Variants in KLF7 observed in about 807,000 individuals in gnomAD.
KLF7 encodes KLF transcription factor 7.
Under a neutral mutation model 27.3 loss-of-function variants are expected in KLF7, and 2 were observed. The ratio of observed to expected loss-of-function variants is 0.07; its 90% confidence interval spans 0.03 to 0.23. KLF7 has a LOEUF of 0.23. Among genes scored for constraint, KLF7 ranks in the 10% least tolerant of loss-of-function variants. The pLI, the probability that KLF7 is intolerant of heterozygous loss-of-function variation, is 1.00. For missense variants in KLF7, 221 were observed against 394.1 expected, an observed-to-expected ratio of 0.56 and a Z score of 3.72; for synonymous variants, 165 against 162.4, an observed-to-expected ratio of 1.02 and a Z score of -0.12.
intron 1 of KLF7, among the ~76,000 whole-genome samples, chr2:207,142,047 A>G (rs925752287): frequency 6.6e-6 from 1 of 152,072 alleles, no homozygotes; most frequent in Non-Finnish European, 1.5e-5. Flanking sequence ...TAGAGAAGGC[A>G]CCATGAAATG....
rs190674181 is a variant in KLF7, at chr2:207,118,662, A to C, written c.733+5112T>G. On this transcript the variant is annotated intron_variant, in intron 2 of 3. Coordinates refer to ENST00000309446, the MANE Select transcript of KLF7 (RefSeq NM_003709.4). The stretch of plus-strand genomic sequence containing the variant: ...AAATTACTTGACTTCTCTGGGTCTC[A>C]TTTTCCTCATCTATAAAATAAGATG... 2.6e-3 allele frequency among the ~76,000 whole-genome samples: 403 copies of C among 152,280 alleles called. 1 individual carries two copies. Among genetic ancestry groups the C allele is most frequent in the Non-Finnish European group, 4.3e-3 (290 of 68,022 alleles).
At chr2:207,098,059 C>T (rs1174439715) in intron 2 of KLF7, among the ~76,000 whole-genome samples, 2 of 152,266 alleles carry the variant, frequency 1.3e-5, no homozygotes, top group East Asian at 3.9e-4. Context: ...GCTGTATGTT[C>T]TCAAGTTTTG....
At chr2:207,093,716 A>C (rs2076563438) in intron 2 of KLF7, among the ~76,000 whole-genome samples, 2 of 152,242 alleles carry the variant, frequency 1.3e-5, no homozygotes, top group African/African-American at 4.8e-5. Context: ...CCCGTCCGAT[A>C]CATTAGGTGA....
rs535871147 is a variant in KLF7, at chr2:207,140,265, C to T, written c.103-15861G>A. On this transcript the variant is annotated intron_variant, in intron 1 of 3. Transcript: ENST00000309446. ...CTTATTTTGGTTATTTGATTAATAC[C>T]AAATACATAGAAACTCAAATTTATA... Among the ~76,000 whole-genome samples the T allele has an allele frequency of 1.4e-4, 22 of 152,158 alleles. 1 individual carries two copies. The South Asian group carries it at 4.4e-3, about 30-fold the overall frequency.
intron 1 of KLF7, among the ~76,000 whole-genome samples, chr2:207,151,893 G>A (rs2078257932): frequency 6.6e-6 from 1 of 151,996 alleles, no homozygotes; most frequent in South Asian, 2.1e-4. Flanking sequence ...GGAAAAGAAT[G>A]ACCCTAAAAA....
chr2:207,079,347 T>G lies in KLF7; in HGVS notation c.*1866A>C, dbSNP rs745622145. The G allele has an allele frequency of 6.6e-6, 1 of 152,338 alleles. No individual in the cohort carries two copies. The highest frequency in any genetic ancestry group is 2.1e-4 in the South Asian group (1 of 4,828). The allele number at this position is 152,338 out of a possible 1,614,324, so 9.4% of individuals were successfully genotyped here. A position where few individuals can be genotyped will look rare whatever the true frequency, so the allele number is the denominator to read the frequency against. ...TGACTTCAGTTTTGCATCCCAAATATGTATGGGGTGGCATTTTAACAGTCA... is the reference window on the plus strand; with the variant it reads ...TGACTTCAGTTTTGCATCCCAAATAGGTATGGGGTGGCATTTTAACAGTCA... On this transcript the variant is annotated 3_prime_UTR_variant, in exon 4 of 4. Transcript: ENST00000309446.
intron 1 of KLF7, among the ~76,000 whole-genome samples, chr2:207,142,620 G>A (rs1246811529): frequency 6.6e-6 from 1 of 152,240 alleles, no homozygotes; most frequent in African/African-American, 2.4e-5. Context: ...TGAAGGCCTT[G>A]TGAAGAAGTC....
At chr2:207,096,375 G>T (rs536843114) in intron 2 of KLF7, among the ~76,000 whole-genome samples, 32 of 152,312 alleles carry the variant, frequency 2.1e-4, no homozygotes, top group African/African-American at 7.7e-4. Flanking sequence ...ATCGCATCAG[G>T]ATCACCTGAG....
intron 3 of KLF7, among the ~76,000 whole-genome samples, chr2:207,083,878 G>A (rs995499107): frequency 1.7e-4 from 26 of 152,112 alleles, no homozygotes; most frequent in Admixed American, 1.7e-3. Context: ...AGCATCATGA[G>A]CCAAGGAATG....
At chr2:207,104,367 C>T (rs1297394613) in intron 2 of KLF7, among the ~76,000 whole-genome samples, 3 of 152,096 alleles carry the variant, frequency 2.0e-5, no homozygotes, top group Admixed American at 6.5e-5. Context: ...AAATGTTATA[C>T]GTAAACAAAC....
intron 2 of KLF7, among the ~76,000 whole-genome samples, chr2:207,107,749 C>T (rs1330111592): frequency 2.0e-5 from 3 of 152,138 alleles, no homozygotes; most frequent in Admixed American, 2.0e-4. Context: ...GGGCAAGGAA[C>T]CATACCAGCT....
Position 207,102,850 on chromosome 2 carries a change from G to C in KLF7, c.734-14269C>G, listed in dbSNP as rs35785175. Among the ~76,000 whole-genome samples the C allele has an allele frequency of 9.4e-3, 1,425 of 152,180 alleles. 7 individuals carry two copies. The highest frequency in any genetic ancestry group is 0.027 in the Middle Eastern group (8 of 292). On this transcript the variant is annotated intron_variant, in intron 2 of 3. Coordinates refer to ENST00000309446, the MANE Select transcript of KLF7 (RefSeq NM_003709.4). The stretch of plus-strand genomic sequence containing the variant: ...AAAGACTGTATTTCCAATCTCCTTT[G>C]CAATTGCTTGTTGACATATGACCAA...
At chr2:207,098,333 A>C (rs546133155) in intron 2 of KLF7, among the ~76,000 whole-genome samples, 38 of 152,208 alleles carry the variant, frequency 2.5e-4, no homozygotes, top group Non-Finnish European at 5.0e-4. Context: ...TTGAAGAAAA[A>C]TGTTATTAAA....
intron 1 of KLF7, among the ~76,000 whole-genome samples, chr2:207,145,685 A>G (rs1287003363): frequency 6.6e-6 from 1 of 152,180 alleles, no homozygotes; most frequent in East Asian, 1.9e-4. Context: ...CTGGCACCCT[A>G]ATCTTTCCCT....
At chr2:207,171,460 A>T (rs2078785389), upstream of KLF7, among the ~76,000 whole-genome samples, 1 of 152,218 alleles carries the variant, frequency 6.6e-6, no homozygotes, top group Admixed American at 6.5e-5. Flanking sequence ...AAGAAGCTGT[A>T]CTTTTGGTAA....
At chr2:207,141,229 T>G (rs930616570) in intron 1 of KLF7, among the ~76,000 whole-genome samples, 1 of 152,184 alleles carries the variant, frequency 6.6e-6, no homozygotes. Flanking sequence ...TCCCTCTGCT[T>G]ATAGCAGTGC....
chr2:207,100,897 ACTGGG>A (rs1209179467), intron 2 of KLF7, among the ~76,000 whole-genome samples: 10 of 152,246 alleles, frequency 6.6e-5, no homozygotes, highest in African/African-American at 2.2e-4. Flanking sequence ...ATGTCCAGGC[ACTGGG>A]CTAGATGCTT....
chr2:207,166,778 A>G, upstream of KLF7: 1 of 991,044 alleles, frequency 1.0e-6, no homozygotes, highest in East Asian at 1.1e-4. Context: ...CAGAAAAGGC[A>G]TCCAGGGCCC....
intron 1 of KLF7, among the ~76,000 whole-genome samples, chr2:207,125,900 A>G (rs1473881205): frequency 6.6e-6 from 1 of 152,260 alleles, no homozygotes; most frequent in African/African-American, 2.4e-5. Flanking sequence ...AAAATTACAT[A>G]AACTCACATA....
Sources: allele counts gnomAD v4.1 joint callset (sites outside exome capture counted in the v4.1 genomes callset), GRCh38; gene constraint gnomAD v4.1.1; transcripts MANE v1.5; gene names NCBI Gene and HGNC (gene_info 2026-07-23, HGNC 2026-07-21).